NELL1: variants seen among roughly 807,000 people sequenced by gnomAD.
NELL1 encodes the protein protein kinase C-binding protein NELL1.
In NELL1, 76 loss-of-function variants were observed where a neutral mutation model predicts 107.4. The observed-to-expected ratio is 0.71, with a 90% CI of 0.59 to 0.86. NELL1 has a LOEUF of 0.86. NELL1 is among the 40% of genes least tolerant of loss of function. NELL1 has a pLI of 0.00. For synonymous variants in NELL1, 353 were observed against 341.2 expected, an observed-to-expected ratio of 1.03 and a Z score of -0.38; for missense variants, 1,024 against 1,005.5, an observed-to-expected ratio of 1.02 and a Z score of -0.25.
At chr11:20,684,154 C>G (rs1188184664) in intron 2 of NELL1, among the ~76,000 whole-genome samples, 1 of 151,262 alleles carries the variant, frequency 6.6e-6, no homozygotes, top group Admixed American at 6.6e-5. Context: ...ACCTGTAATC[C>G]CAATACTTTG....
chr11:21,064,045 G>A (rs1299846632), intron 12 of NELL1, among the ~76,000 whole-genome samples: 1 of 152,126 alleles, frequency 6.6e-6, no homozygotes, highest in East Asian at 1.9e-4. Flanking sequence ...CAATCATGGA[G>A]AAGAATGTTT....
chr11:21,409,455 T>C (rs1170716449), intron 15 of NELL1, among the ~76,000 whole-genome samples: 1 of 151,880 alleles, frequency 6.6e-6, no homozygotes, highest in Non-Finnish European at 1.5e-5. Flanking sequence ...CGGGGAGGGA[T>C]AGCATTAGGA....
chr11:21,358,565 A>ATTTTTTTTTTTTTT (rs75578174), intron 14 of NELL1, among the ~76,000 whole-genome samples: 2 of 97,676 alleles, frequency 2.0e-5, no homozygotes, highest in Non-Finnish European at 4.0e-5. Context: ...TGCCCTGATA[A>ATTTTTTTTTTTTTT]TTTTTTTTTT....
intron 16 of NELL1, among the ~76,000 whole-genome samples, chr11:21,539,721 A>G (rs932058073): frequency 5.9e-5 from 9 of 151,264 alleles, no homozygotes; most frequent in African/African-American, 1.7e-4. Context: ...CTATGGGTAC[A>G]GGATACCCAT....
At chr11:21,451,911 A>G (rs1853597239) in intron 15 of NELL1, among the ~76,000 whole-genome samples, 1 of 152,180 alleles carries the variant, frequency 6.6e-6, no homozygotes, top group Non-Finnish European at 1.5e-5. Flanking sequence ...TGAACCTGGG[A>G]ATCTAGTACA....
At chr11:21,301,111 A>G (rs1328993046) in intron 14 of NELL1, among the ~76,000 whole-genome samples, 2 of 152,170 alleles carry the variant, frequency 1.3e-5, no homozygotes, top group Admixed American at 1.3e-4. Flanking sequence ...TCCATGGTGT[A>G]TATGTGCCAC....
intron 15 of NELL1, among the ~76,000 whole-genome samples, chr11:21,431,744 T>C (rs951568942): frequency 6.6e-6 from 1 of 152,180 alleles, no homozygotes; most frequent in Non-Finnish European, 1.5e-5. Context: ...ACTGTTTTGC[T>C]CTTTCTCCTT....
At chr11:20,746,212 A>G (rs1425268676) in intron 2 of NELL1, among the ~76,000 whole-genome samples, 1 of 152,202 alleles carries the variant, frequency 6.6e-6, no homozygotes, top group Non-Finnish European at 1.5e-5. Context: ...GGAGAAGCAC[A>G]GGGTCTGCTG....
At chr11:20,784,476 C>T (rs1204926914) in intron 3 of NELL1, among the ~76,000 whole-genome samples, 2 of 152,016 alleles carry the variant, frequency 1.3e-5, no homozygotes, top group Admixed American at 6.6e-5. Context: ...TAAGAAGCAA[C>T]ACATGGGTAG....
chr11:21,519,183 TCTC>T (rs1458144953), intron 15 of NELL1, among the ~76,000 whole-genome samples: 4 of 152,182 alleles, frequency 2.6e-5, no homozygotes, highest in African/African-American at 9.7e-5. Flanking sequence ...CCAGCAGACT[TCTC>T]CTTACTTCTC....
intron 15 of NELL1, among the ~76,000 whole-genome samples, chr11:21,380,129 T>G (rs150091803): frequency 6.6e-5 from 10 of 152,066 alleles, no homozygotes; most frequent in African/African-American, 2.4e-4. Flanking sequence ...CTTTCTCAGG[T>G]TGTCTGGCAC....
At chr11:21,169,350 G>C (rs751209928) in intron 13 of NELL1, among the ~76,000 whole-genome samples, 2 of 151,766 alleles carry the variant, frequency 1.3e-5, no homozygotes, top group Non-Finnish European at 2.9e-5. Context: ...TTGCTAGAAA[G>C]AACAGCATGT....
At position 21,305,392 on chromosome 11, in the gene NELL1, G is replaced by A. The variant is rs536212072; in HGVS notation, c.1550-65461G>A. ...TGTTACACTGTAAAAGACTTGAGAAGCACATAGATTCTAAGGGTACTTAGA... is the reference window on the plus strand; with the variant it reads ...TGTTACACTGTAAAAGACTTGAGAAACACATAGATTCTAAGGGTACTTAGA... On this transcript the variant is annotated intron_variant, in intron 14 of 19. Coordinates refer to ENST00000357134, the MANE Select transcript of NELL1 (RefSeq NM_006157.5). Among the ~76,000 whole-genome samples the A allele has an allele frequency of 2.7e-4, 41 of 152,134 alleles. 1 individual carries two copies. In the South Asian group the frequency reaches 8.3e-3, roughly 31 times the overall value.
At chr11:21,337,742 T>TTCTTTC in intron 14 of NELL1, among the ~76,000 whole-genome samples, 1 of 99,284 alleles carries the variant, frequency 1.0e-5, no homozygotes, top group African/African-American at 4.9e-5. Flanking sequence ...TTTCCTTTCT[T>TTCTTTC]TCTTTCTTTC....
At chr11:20,718,838 AATT>A (rs1212702848) in intron 2 of NELL1, among the ~76,000 whole-genome samples, 3 of 151,916 alleles carry the variant, frequency 2.0e-5, no homozygotes, top group Non-Finnish European at 4.4e-5. Context: ...AAGAGGAGGG[AATT>A]TATGGTTGTA....
At chr11:21,099,192 A>AACACACACACACACAC (rs59848133) in intron 12 of NELL1, among the ~76,000 whole-genome samples, 9 of 141,860 alleles carry the variant, frequency 6.3e-5, no homozygotes, top group African/African-American at 2.4e-4. Context: ...GACACTGAAC[A>AACACACACACACACAC]ACACACACAC....
intron 16 of NELL1, among the ~76,000 whole-genome samples, chr11:21,542,909 A>G (rs1856327828): frequency 6.6e-6 from 1 of 152,096 alleles, no homozygotes; most frequent in South Asian, 2.1e-4. Flanking sequence ...CCTGGCAGTC[A>G]GAGCAAAATG....
intron 15 of NELL1, among the ~76,000 whole-genome samples, chr11:21,408,944 A>G (rs1199994984): frequency 1.3e-5 from 2 of 151,912 alleles, no homozygotes; most frequent in East Asian, 2.0e-4. Flanking sequence ...GGTGCTGGAG[A>G]GGATGTGGAG....
At chr11:20,735,266 T>G (rs528047223) in intron 2 of NELL1, among the ~76,000 whole-genome samples, 1 of 152,274 alleles carries the variant, frequency 6.6e-6, no homozygotes, top group East Asian at 1.9e-4. Flanking sequence ...TAGTCCATTC[T>G]CATGCTACTA....
Sources: gnomAD v4.1 joint callset for allele counts (sites outside exome capture counted in the v4.1 genomes callset) on GRCh38, gnomAD v4.1.1 for gene constraint, MANE v1.5 for transcripts, NCBI Gene and HGNC (gene_info 2026-07-23, HGNC 2026-07-21) for gene names.